The following BICD2 variants were observed in gnomAD, a reference collection of about 807,000 sequenced individuals.
BICD2 encodes protein bicaudal D homolog 2.
In BICD2, 25 loss-of-function variants were observed where a neutral mutation model predicts 72.9. The observed-to-expected ratio is 0.34, with a 90% CI of 0.25 to 0.48. The LOEUF is 0.48. Ranked by LOEUF, BICD2 falls within the 20% of genes least tolerant of loss-of-function variation. The pLI is 0.99. For synonymous variants in BICD2, 501 were observed against 516.1 expected (o/e 0.97, Z 0.40); for missense variants, 894 against 1,175.2 (o/e 0.76, Z 3.50).
chr9:92,715,090 C>A lies in BICD2; in HGVS notation c.*64G>T. ...TAAGATTGACCTAGCACCGCCGTCC[C>A]GCTGCTGCTGGGTTAGTTGAGGTGA... On this transcript the variant is annotated 3_prime_UTR_variant, in exon 7 of 7. Transcript: ENST00000356884. 6.6e-7 allele frequency: 1 copy of A among 1,520,746 alleles called. No homozygotes were observed. The allele number at this position is 1,520,746 out of a possible 1,614,324, so 94.2% of individuals were successfully genotyped here. A position where few individuals can be genotyped will look rare whatever the true frequency, so the allele number is the denominator to read the frequency against.
chr9:92,719,466 A>T lies in BICD2; in HGVS notation c.1179T>A (p.Asn393Lys), dbSNP rs144427583. 1,150 of 1,613,974 alleles carry T rather than the reference A, an allele frequency of 7.1e-4. 4 individuals carry two copies. The highest frequency in any genetic ancestry group is 1.9e-3 in the Admixed American group (112 of 60,026). The change falls in exon 5 of 7, where the codon AAT (asparagine) becomes AAA (lysine). Residue 393 changes from asparagine to lysine, a missense_variant. Physicochemically the swap from Asn to Lys is moderately conservative, Grantham distance 94 (BLOSUM62 0). Coordinates refer to ENST00000356884, the MANE Select transcript of BICD2 (RefSeq NM_001003800.2). The stretch of plus-strand genomic sequence containing the variant: ...CCTGCAGGCGCCGCAGGGCACTCAG[A>T]TTCTCTGTGAGGCGGGTCACCTTCT... ...QQEKVTRLTE[N>K]LSALRRLQAS...
intron 1 of BICD2, among the ~76,000 whole-genome samples, chr9:92,749,179 G>C (rs1231197741): frequency 6.6e-6 from 1 of 151,858 alleles, no homozygotes; most frequent in South Asian, 2.1e-4. Flanking sequence ...GCCAGGAAAA[G>C]AGGGTGGGGC....
At chr9:92,746,301 G>A (rs1003097483) in intron 1 of BICD2, among the ~76,000 whole-genome samples, 3 of 152,200 alleles carry the variant, frequency 2.0e-5, no homozygotes, top group South Asian at 2.1e-4. Flanking sequence ...GGAGGCTGAG[G>A]CAGGCAGATC....
In BICD2 at chr9:92,719,408, C is replaced by T. The variant is rs368361239; in HGVS notation, c.1237G>A (p.Glu413Lys). ...SKERQTALDN[E>K]KDRDSHEDGD... Reference sequence around the variant, plus strand: ...TCCTCATGGCTGTCACGGTCCTTCTCGTTGTCCAGGGCTGTCTGCCGCTCC... The same window carrying T: ...TCCTCATGGCTGTCACGGTCCTTCTTGTTGTCCAGGGCTGTCTGCCGCTCC... The change falls in exon 5 of 7, where the codon GAG becomes AAG. Residue 413 changes from glutamate (E) to lysine (K), a missense_variant. Physicochemically the swap from Glu to Lys is moderately conservative, Grantham distance 56. Coordinates refer to ENST00000356884, the MANE Select transcript of BICD2 (RefSeq NM_001003800.2). 3 of 1,614,192 alleles carry T rather than the reference C, an allele frequency of 1.9e-6. No homozygotes were observed. The highest frequency in any genetic ancestry group is 2.2e-5 in the East Asian group (1 of 44,880).
At chr9:92,716,758 T>C (rs1853323353) in intron 6 of BICD2, among the ~76,000 whole-genome samples, 1 of 152,238 alleles carries the variant, frequency 6.6e-6, no homozygotes, top group Non-Finnish European at 1.5e-5. Context: ...AACCAGGACC[T>C]GCCCCACAGA....
chr9:92,750,382 T>C (rs906448943), intron 1 of BICD2, among the ~76,000 whole-genome samples: 1 of 151,794 alleles, frequency 6.6e-6, no homozygotes, highest in African/African-American at 2.4e-5. Flanking sequence ...TGCCAAAAAG[T>C]AGAAGCAACT....
In BICD2 at chr9:92,764,431, G is replaced by T; in HGVS notation, c.240+74C>A. Reference sequence around the variant, plus strand: ...CCCGCTTGGCAAGCTGACCTTGGCCGCCCTGGTGCCAGGGACGACGCCCAC... The same window carrying T: ...CCCGCTTGGCAAGCTGACCTTGGCCTCCCTGGTGCCAGGGACGACGCCCAC... On this transcript the variant is annotated intron_variant, in intron 1 of 6. Transcript: ENST00000356884. This position sits in a 1 kb window ranked among gnomAD's most constrained non-coding sequence, Gnocchi z 5.5. The T allele has an allele frequency of 7.2e-7, 1 of 1,394,910 alleles. No individual in the cohort carries two copies. The highest frequency in any genetic ancestry group is 9.3e-7 in the Non-Finnish European group (1 of 1,075,136). The allele number at this position is 1,394,910 out of a possible 1,614,324, so 86.4% of individuals were successfully genotyped here.
Position 92,764,825 on chromosome 9 carries a change from C to CGCA in BICD2, c.-82_-81insTGC, listed in dbSNP as rs1306662984. 2.8e-4 allele frequency: 307 copies of CGCA among 1,113,946 alleles called. No homozygotes were observed. Among genetic ancestry groups the CGCA allele is most frequent in the Admixed American group, 3.8e-4 (7 of 18,496 alleles). The allele number at this position is 1,113,946 out of a possible 1,614,324, so 69.0% of individuals were successfully genotyped here. A position where few individuals can be genotyped will look rare whatever the true frequency, so the allele number is the denominator to read the frequency against. On this transcript the variant is annotated 5_prime_UTR_variant, in exon 1 of 7. Transcript: ENST00000356884. The surrounding 1 kb of genome is among the most constrained non-coding windows in gnomAD (Gnocchi z 5.5). ...CAGCCGCCGCCGCTGCCGCCGCCGC[C>CGCA]GCCGCCCTGCCCCGACGGCCGCCCG...
rs1853389361 is a variant in BICD2, at chr9:92,718,900, G to A, written c.1745C>T (p.Ser582Leu). ...RTSPEARGRR[S>L]PILLPKGLLA... ...CAGCCCCTTGGGTAGGAGGATGGGT[G>A]AGCGCCGGCCACGCGCCTCGGGGCT... Residue 582 changes from serine to leucine, a missense_variant, in exon 5 of 7, where the codon TCA (serine) becomes TTA (leucine). Transcript: ENST00000356884. 1 of 1,598,554 alleles carries A rather than the reference G, an allele frequency of 6.3e-7. No individual in the cohort carries two copies.
At chr9:92,733,504 T>C (rs1853716479) in intron 1 of BICD2, among the ~76,000 whole-genome samples, 1 of 151,248 alleles carries the variant, frequency 6.6e-6, no homozygotes, top group South Asian at 2.1e-4. Flanking sequence ...CGCCACTGTA[T>C]TCCAACCTGG....
At chr9:92,737,469 T>G (rs1853811897) in intron 1 of BICD2, among the ~76,000 whole-genome samples, 1 of 152,168 alleles carries the variant, frequency 6.6e-6, no homozygotes, top group Non-Finnish European at 1.5e-5. Flanking sequence ...AGTGTTAACA[T>G]GCTGAGATCC....
intron 1 of BICD2, among the ~76,000 whole-genome samples, chr9:92,731,247 A>G (rs887043296): frequency 6.6e-6 from 1 of 152,204 alleles, no homozygotes. Context: ...CTGGGGATGC[A>G]GACATCACCT....
rs1006943047 is a variant in BICD2 at position 92,715,015 on chromosome 9, C to T, written c.*139G>A. 1.2e-5 allele frequency: 17 copies of T among 1,423,250 alleles called. No homozygotes were observed. Among genetic ancestry groups the T allele is most frequent in the South Asian group, 1.6e-5 (1 of 64,280 alleles). The allele number at this position is 1,423,250 out of a possible 1,614,324, so 88.2% of individuals were successfully genotyped here. On this transcript the variant is annotated 3_prime_UTR_variant, in exon 7 of 7. Coordinates refer to ENST00000356884, the MANE Select transcript of BICD2 (RefSeq NM_001003800.2). ...TCTCACAAGTGTCCTGCTGATGCAA[C>T]GCCCCATGGCGCCTCGGCTAGACTC... is the stretch of plus-strand genomic sequence containing the variant.
rs546492373 is a variant in BICD2 at position 92,764,778 on chromosome 9, C to T, written c.-34G>A. 5 of 1,454,394 alleles carry T rather than the reference C, an allele frequency of 3.4e-6. No homozygotes were observed. The highest frequency in any genetic ancestry group is 5.9e-5 in the East Asian group (2 of 33,912). 90.1% of individuals were successfully genotyped at this position (1,454,394 alleles called of 1,614,324 possible). Reference sequence around the variant, plus strand: ...AGGGCTGAGCCGGCTCCCACTGAGGCTCTCGCAGGCCGGGCCCTCCTCAGC... The same window carrying T: ...AGGGCTGAGCCGGCTCCCACTGAGGTTCTCGCAGGCCGGGCCCTCCTCAGC... On this transcript the variant is annotated 5_prime_UTR_variant, in exon 1 of 7. Transcript: ENST00000356884. This position sits in a 1 kb window ranked among gnomAD's most constrained non-coding sequence, Gnocchi z 5.5.
chr9:92,716,531 CAT>C (rs1356717040), intron 6 of BICD2, among the ~76,000 whole-genome samples: 12 of 81,662 alleles, frequency 1.5e-4, no homozygotes, highest in Admixed American at 1.0e-3. Flanking sequence ...GCCCTATGTG[CAT>C]GCAGTTCCCA....
intron 1 of BICD2, among the ~76,000 whole-genome samples, chr9:92,733,247 T>C (rs1407463227): frequency 1.3e-5 from 2 of 152,158 alleles, no homozygotes; most frequent in African/African-American, 4.8e-5. Context: ...TGTCAAAGAA[T>C]AGTTTTTCGG....
Position 92,756,354 on chromosome 9 carries a change from C to T in BICD2, c.240+8151G>A, listed in dbSNP as rs548249899. Among the ~76,000 whole-genome samples, 63 of 151,844 alleles carry T rather than the reference C, an allele frequency of 4.1e-4. No individual in the cohort carries two copies. In the South Asian group the frequency reaches 0.012, roughly 29 times the overall value. ...TCGGCTCACTGCAAGCTCCGCCTCC[C>T]GGGTTCATGCCATTCTCCTGCCTCA... On this transcript the variant is annotated intron_variant, in intron 1 of 6. Coordinates refer to ENST00000356884, the MANE Select transcript of BICD2 (RefSeq NM_001003800.2).
intron 6 of BICD2, 133 bp downstream of exon 6, chr9:92,717,664 A>T: frequency 8.3e-7 from 1 of 1,209,992 alleles, no homozygotes; most frequent in Admixed American, 3.0e-5. Context: ...GCCCTGATGG[A>T]GCTGGGCACA....
intron 1 of BICD2, among the ~76,000 whole-genome samples, chr9:92,757,219 T>C (rs906186537): frequency 1.4e-5 from 2 of 142,102 alleles, no homozygotes; most frequent in Non-Finnish European, 3.0e-5. Context: ...GAGGCTGAGG[T>C]AGGAGAGTTG....
Sources: allele counts gnomAD v4.1 joint callset (sites outside exome capture counted in the v4.1 genomes callset), GRCh38; gene constraint gnomAD v4.1.1; non-coding constraint Gnocchi (gnomAD v3.1); transcripts MANE v1.5; gene names NCBI Gene and HGNC (gene_info 2026-07-23, HGNC 2026-07-21).